The following KLF12 variants were observed in gnomAD, a reference collection of about 807,000 sequenced individuals.
KLF12 encodes the protein Krueppel-like factor 12.
KLF12 carries 9 observed loss-of-function variants against 37.8 expected under a neutral mutation model. The observed-to-expected ratio is 0.24, with a 90% CI of 0.14 to 0.42. The LOEUF (loss-of-function observed/expected upper bound fraction) is 0.42, where lower values mean the gene tolerates loss of function less well. KLF12 is among the 10% of genes least tolerant of loss of function. The pLI is 1.00. For synonymous variants in KLF12, 208 were observed against 202.1 expected (o/e 1.03, Z -0.25); for missense variants, 411 against 516.0 (o/e 0.80, Z 1.97).
At chr13:74,291,547 C>T in the KLF12 span, among the ~76,000 whole-genome samples, 4 of 152,052 alleles carry the variant, frequency 2.6e-5, no homozygotes, top group Non-Finnish European at 5.9e-5. Flanking sequence ...ACATATATGG[C>T]GAAGGTTAAT....
In KLF12 at chr13:73,829,659, T is replaced by C. The variant is rs140311535; in HGVS notation, c.670+16168A>G. 1.9e-3 allele frequency among the ~76,000 whole-genome samples: 282 copies of C among 152,230 alleles called. 1 individual carries two copies. Among genetic ancestry groups the C allele is most frequent in the African/African-American group, 6.0e-3 (250 of 41,554 alleles). ...GACACTGCATTCTGAAACTTACAAA[T>C]ATGCAAGGCCTCTGCAAATTCTGAC... On this transcript the variant is annotated intron_variant, in intron 4 of 7. Coordinates refer to ENST00000377669, the MANE Select transcript of KLF12 (RefSeq NM_007249.5).
intron 3 of KLF12, among the ~76,000 whole-genome samples, chr13:73,871,177 T>C (rs984111846): frequency 2.6e-5 from 4 of 152,166 alleles, no homozygotes; most frequent in Admixed American, 2.6e-4. Flanking sequence ...ACATTCAACG[T>C]TGCAGAGTCG....
At chr13:74,060,233 G>A (rs1873492308) in intron 1 of KLF12, among the ~76,000 whole-genome samples, 3 of 151,866 alleles carry the variant, frequency 2.0e-5, no homozygotes, top group Admixed American at 6.6e-5. Context: ...GATTGTTTTG[G>A]TTGCTCGTGG....
At chr13:74,099,566 T>A (rs1049613419) in intron 1 of KLF12, among the ~76,000 whole-genome samples, 16 of 152,192 alleles carry the variant, frequency 1.1e-4, no homozygotes. Context: ...CCTAGACACA[T>A]ACATATAATC....
intron 5 of KLF12, among the ~76,000 whole-genome samples, chr13:73,767,289 AACC>A (rs1277876564): frequency 6.6e-6 from 1 of 152,166 alleles, no homozygotes; most frequent in Non-Finnish European, 1.5e-5. Context: ...CTGTAGGAGA[AACC>A]ACCACCTAAT....
At chr13:74,251,724 T>A in the KLF12 span, among the ~76,000 whole-genome samples, 2 of 152,134 alleles carry the variant, frequency 1.3e-5, no homozygotes, top group East Asian at 3.9e-4. Context: ...GAGAAGTTGC[T>A]TGCAAGAGAA....
chr13:74,202,027 A>C, the KLF12 span, among the ~76,000 whole-genome samples: 1 of 151,532 alleles, frequency 6.6e-6, no homozygotes, highest in Non-Finnish European at 1.5e-5. Flanking sequence ...CTCTGGTGTT[A>C]GTGAGTTTTA....
At chr13:73,799,946 T>A (rs1322373713) in intron 5 of KLF12, 1 of 152,132 alleles carries the variant, frequency 6.6e-6, no homozygotes. Flanking sequence ...CTCAAAGATT[T>A]TATTTCCAAT....
chr13:73,949,716 C>T (rs554973194), intron 2 of KLF12, among the ~76,000 whole-genome samples: 9 of 152,188 alleles, frequency 5.9e-5, no homozygotes, highest in Non-Finnish European at 8.8e-5. Context: ...CTTTTCTCTA[C>T]TCACATATCC....
At chr13:73,902,043 C>T (rs1888065301) in intron 3 of KLF12, among the ~76,000 whole-genome samples, 1 of 152,002 alleles carries the variant, frequency 6.6e-6, no homozygotes, top group South Asian at 2.1e-4. Context: ...AACTGATTCA[C>T]CTATAATGCT....
At chr13:74,276,042 T>C in the KLF12 span, among the ~76,000 whole-genome samples, 21 of 151,684 alleles carry the variant, frequency 1.4e-4, no homozygotes, top group Non-Finnish European at 2.4e-4. Context: ...ACATATGCCG[T>C]GGTGGTTTGC....
chr13:74,257,976 CAG>C, the KLF12 span: 1 of 151,824 alleles, frequency 6.6e-6, no homozygotes, highest in East Asian at 1.9e-4. Flanking sequence ...TTCTCATTAC[CAG>C]AGGGTAGGGA....
the KLF12 span, among the ~76,000 whole-genome samples, chr13:74,241,549 G>T: frequency 6.6e-6 from 1 of 152,122 alleles, no homozygotes; most frequent in African/African-American, 2.4e-5. Context: ...CAGCCTCGCT[G>T]CCGCTGCTGC....
the KLF12 span, among the ~76,000 whole-genome samples, chr13:74,253,705 G>A: frequency 4.7e-4 from 71 of 152,102 alleles, no homozygotes; most frequent in African/African-American, 1.4e-3. Flanking sequence ...ATACTTTTTC[G>A]AATTTACCAG....
chr13:73,919,952 G>A (rs933553212), intron 3 of KLF12, among the ~76,000 whole-genome samples: 1 of 152,108 alleles, frequency 6.6e-6, no homozygotes, highest in East Asian at 1.9e-4. Context: ...CTTATAGAAA[G>A]GAAGTCCGGC....
intron 3 of KLF12, among the ~76,000 whole-genome samples, chr13:73,852,022 G>A (rs935755467): frequency 1.3e-5 from 2 of 152,052 alleles, no homozygotes; most frequent in African/African-American, 4.8e-5. Flanking sequence ...CTTAAAAGAA[G>A]CATCCCGCAA....
At chr13:74,124,059 C>A (rs1257963058) in intron 1 of KLF12, among the ~76,000 whole-genome samples, 1 of 152,194 alleles carries the variant, frequency 6.6e-6, no homozygotes, top group Non-Finnish European at 1.5e-5. Context: ...GTCTTAATTA[C>A]TGTTATTTAT....
intron 3 of KLF12, among the ~76,000 whole-genome samples, chr13:73,858,812 T>C (rs1455512149): frequency 2.0e-5 from 3 of 152,178 alleles, no homozygotes; most frequent in Non-Finnish European, 4.4e-5. Context: ...TCTATAAAAA[T>C]GGAGAGCATT....
chr13:74,232,420 C>T, the KLF12 span, among the ~76,000 whole-genome samples: 785 of 152,162 alleles, frequency 5.2e-3, 11 homozygotes, highest in African/African-American at 0.018. Context: ...TTAATTTGAC[C>T]TTGATAATTT....
Sources: gnomAD v4.1 joint callset for allele counts (sites outside exome capture counted in the v4.1 genomes callset) on GRCh38, gnomAD v4.1.1 for gene constraint, MANE v1.5 for transcripts, NCBI Gene and HGNC (gene_info 2026-07-23, HGNC 2026-07-21) for gene names.